Variants in ARFGEF2 observed in about 807,000 individuals in gnomAD.
The protein encoded by ARFGEF2 is ARF guanine nucleotide exchange factor 2.
A neutral mutation model predicts 219.9 loss-of-function variants in ARFGEF2; 74 were observed. That is an observed-to-expected ratio of 0.34 (90% CI 0.28 to 0.41). The LOEUF (loss-of-function observed/expected upper bound fraction) is 0.41, where lower values mean the gene tolerates loss of function less well. ARFGEF2 is among the 10% of genes least tolerant of loss of function. The pLI, the probability that ARFGEF2 is intolerant of heterozygous loss-of-function variation, is 1.00. For synonymous variants in ARFGEF2, 733 were observed against 799.2 expected, an observed-to-expected ratio of 0.92 and a Z score of 1.40; for missense variants, 1,743 against 2,218.3, an observed-to-expected ratio of 0.79 and a Z score of 4.30.
At chr20:48,927,405 G>A (rs1288557137) in intron 1 of ARFGEF2, among the ~76,000 whole-genome samples, 1 of 152,120 alleles carries the variant, frequency 6.6e-6, no homozygotes, top group Admixed American at 6.5e-5. Context: ...TTGATGTAAC[G>A]TGGCGGGGCA....
chr20:48,992,913 G>A (rs2091365339), intron 21 of ARFGEF2, among the ~76,000 whole-genome samples: 1 of 151,986 alleles, frequency 6.6e-6, no homozygotes, highest in South Asian at 2.1e-4. Context: ...AGCTAGGCAT[G>A]GTGGTTCATG....
chr20:48,936,275 G>C (rs1435846973), intron 1 of ARFGEF2, among the ~76,000 whole-genome samples: 2 of 146,178 alleles, frequency 1.4e-5, no homozygotes, highest in South Asian at 4.3e-4. Flanking sequence ...CCTGCCGGAC[G>C]GGGCGGCTGG....
At chr20:48,932,535 A>G (rs374889709) in intron 1 of ARFGEF2, among the ~76,000 whole-genome samples, 8 of 152,322 alleles carry the variant, frequency 5.3e-5, no homozygotes, top group Non-Finnish European at 1.2e-4. Context: ...CGCTAGTACA[A>G]TCTAAGTTTG....
intron 1 of ARFGEF2, among the ~76,000 whole-genome samples, chr20:48,929,833 A>T (rs1330372735): frequency 6.6e-6 from 1 of 152,086 alleles, no homozygotes; most frequent in Non-Finnish European, 1.5e-5. Flanking sequence ...ATGGAGTGGG[A>T]GTGGGAGAGG....
chr20:48,942,048 C>T (rs143538130), intron 3 of ARFGEF2, 61 bp downstream of exon 3: 3 of 1,607,590 alleles, frequency 1.9e-6, no homozygotes, highest in East Asian at 2.2e-5. Context: ...TTGGTCCTTA[C>T]ACAGAACTAT....
At chr20:48,986,639 A>G (rs922241977) in intron 16 of ARFGEF2, among the ~76,000 whole-genome samples, 3 of 152,030 alleles carry the variant, frequency 2.0e-5, no homozygotes, top group Non-Finnish European at 4.4e-5. Context: ...TGTTCTCTCC[A>G]CTGAACATTA....
chr20:48,929,966 G>A (rs992030313), intron 1 of ARFGEF2, among the ~76,000 whole-genome samples: 1 of 152,166 alleles, frequency 6.6e-6, no homozygotes, highest in African/African-American at 2.4e-5. Context: ...GGATGACCAG[G>A]TGTATTATTT....
At chr20:49,001,136 T>C (rs2091422739) in intron 25 of ARFGEF2, among the ~76,000 whole-genome samples, 1 of 150,072 alleles carries the variant, frequency 6.7e-6, no homozygotes, top group African/African-American at 2.5e-5. Context: ...TCTCCTCTCA[T>C]TGCAACCTCT....
chr20:48,974,399 A>G (rs1000852217), intron 12 of ARFGEF2, among the ~76,000 whole-genome samples: 2 of 152,186 alleles, frequency 1.3e-5, no homozygotes, highest in African/African-American at 4.8e-5. Context: ...GGCGTGAGCC[A>G]CAGCGCCTGC....
intron 27 of ARFGEF2, 135 bp from the exon 28 acceptor site, chr20:49,011,788 GA>G (rs1289704847): frequency 9.2e-7 from 1 of 1,082,526 alleles, no homozygotes; most frequent in African/African-American, 1.6e-5. Flanking sequence ...CAAAGATACT[GA>G]CATGCTTTTC....
intron 5 of ARFGEF2, 119 bp downstream of exon 5, chr20:48,953,003 G>C: frequency 9.5e-7 from 1 of 1,051,658 alleles, no homozygotes; most frequent in Non-Finnish European, 1.5e-6. Context: ...TTCTTCCTGT[G>C]GATTCTCTGT....
Position 48,985,543 on chromosome 20 carries a change from C to T in ARFGEF2, c.2206C>T (p.Pro736Ser), listed in dbSNP as rs2091322123. The T allele has an allele frequency of 6.2e-7, 1 of 1,614,060 alleles. No individual in the cohort carries two copies. The change falls in exon 16 of 39, where the codon CCT (proline) becomes TCT (serine). Residue 736 changes from proline to serine, a missense_variant. Around this residue, in one of 5 missense-constraint regions of ARFGEF2, gnomAD observed 666 missense variants for 955.4 expected, o/e 0.70. Coordinates refer to ENST00000371917, the MANE Select transcript of ARFGEF2 (RefSeq NM_006420.3). ...LRTFLEGFRLPGEAQKIDRLM... is the reference protein window; with the variant it reads ...LRTFLEGFRLSGEAQKIDRLM... Reference sequence around the variant, plus strand: ...GACATTCCTAGAAGGTTTCCGCCTACCTGGAGAAGCCCAAAAGATTGACCG... The same window carrying T: ...GACATTCCTAGAAGGTTTCCGCCTATCTGGAGAAGCCCAAAAGATTGACCG...
chr20:49,018,480 C>T (rs924849425), intron 33 of ARFGEF2, among the ~76,000 whole-genome samples: 1 of 152,186 alleles, frequency 6.6e-6, no homozygotes, highest in African/African-American at 2.4e-5. Context: ...AGGTGATCCG[C>T]CTTCCTTGGC....
chr20:48,979,068 G>A (rs2091279618), intron 14 of ARFGEF2, among the ~76,000 whole-genome samples: 1 of 152,182 alleles, frequency 6.6e-6, no homozygotes, highest in Non-Finnish European at 1.5e-5. Flanking sequence ...CAAAGGAAAT[G>A]CTTCCAGTTT....
intron 14 of ARFGEF2, among the ~76,000 whole-genome samples, chr20:48,981,500 T>G (rs918890499): frequency 1.1e-4 from 16 of 152,192 alleles, no homozygotes; most frequent in African/African-American, 3.6e-4. Context: ...TGGTGTTCTC[T>G]GTATTTCCTG....
chr20:48,981,452 A>G (rs1405470641), intron 14 of ARFGEF2, among the ~76,000 whole-genome samples: 2 of 151,978 alleles, frequency 1.3e-5, no homozygotes, highest in Admixed American at 6.6e-5. Context: ...TCTGACAATT[A>G]TATGTCTTGG....
intron 21 of ARFGEF2, among the ~76,000 whole-genome samples, chr20:48,993,260 G>A (rs947002884): frequency 2.0e-5 from 3 of 152,156 alleles, no homozygotes; most frequent in African/African-American, 4.8e-5. Context: ...AGCTACCTCT[G>A]CGGTTGTCAG....
rs540255589 is a variant in ARFGEF2 at position 48,984,977 on chromosome 20, C to T, written c.2070+137C>T. 138 of 1,486,866 alleles carry T rather than the reference C, an allele frequency of 9.3e-5. No homozygotes were observed. In the African/African-American group the frequency reaches 1.7e-3, roughly 19 times the overall value. 92.1% of individuals were successfully genotyped at this position (1,486,866 alleles called of 1,614,324 possible). A position where few individuals can be genotyped will look rare whatever the true frequency, so the allele number is the denominator to read the frequency against. On this transcript the variant is annotated intron_variant, in intron 15 of 38. Transcript: ENST00000371917. ...CCCCGGGTTATACATTGTCTATTGTCCACCCCCGGGTTACAGCAGTCCTGT... is the reference window on the plus strand; with the variant it reads ...CCCCGGGTTATACATTGTCTATTGTTCACCCCCGGGTTACAGCAGTCCTGT...
chr20:49,011,850 TGC>T, intron 27 of ARFGEF2, 72 bp from the exon 28 acceptor site: 1 of 1,410,074 alleles, frequency 7.1e-7, no homozygotes, highest in Non-Finnish European at 1.0e-6. Flanking sequence ...TGTGTGTGTG[TGC>T]ACGCACGTGC....
Sources: allele counts gnomAD v4.1 joint callset (sites outside exome capture counted in the v4.1 genomes callset), GRCh38; gene constraint gnomAD v4.1.1; regional missense constraint gnomAD v4.1.1; transcripts MANE v1.5; gene names NCBI Gene and HGNC (gene_info 2026-07-23, HGNC 2026-07-21).